Variants in PNPLA4 observed in about 807,000 individuals in gnomAD.
The protein encoded by PNPLA4 is patatin like domain 4, phospholipase and triacylglycerol lipase, also known as patatin-like phospholipase domain-containing protein 4.
Under a neutral mutation model 18.3 loss-of-function variants are expected in PNPLA4, and 15 were observed. That is an observed-to-expected ratio of 0.82 (90% CI 0.55 to 1.26). PNPLA4 has a LOEUF of 1.26. Ranked by LOEUF, PNPLA4 falls within the 50% of genes most tolerant of loss-of-function variation. The pLI, the probability that PNPLA4 is intolerant of heterozygous loss-of-function variation, is 0.00. For missense variants in PNPLA4, 229 were observed against 196.8 expected (o/e 1.16, Z -0.98); for synonymous variants, 88 against 85.6 (o/e 1.03, Z -0.16).
At chrX:7,912,292 T>C (rs1317314467) in intron 4 of PNPLA4, among the ~76,000 whole-genome samples, 199 bp from the exon 5 acceptor site, 2 of 112,512 alleles carry the variant, frequency 1.8e-5, no homozygotes, top group Non-Finnish European at 3.7e-5. Flanking sequence ...TGACATACTC[T>C]GAATCAATCA....
chrX:7,914,712 C>CAA (rs1287043102), intron 4 of PNPLA4, among the ~76,000 whole-genome samples: 1 of 110,067 alleles, frequency 9.1e-6, no homozygotes, highest in Non-Finnish European at 1.9e-5. Context: ...ATGTGGACTG[C>CAA]AAAAAAATCA....
intron 4 of PNPLA4, 140 bp from the exon 5 acceptor site, chrX:7,912,233 A>G (rs1301069101): frequency 1.3e-5 from 5 of 392,731 alleles, no homozygotes. Flanking sequence ...TAATTACATA[A>G]AAGATAACAC....
intron 5 of PNPLA4, among the ~76,000 whole-genome samples, chrX:7,902,363 G>A (rs1923567898): frequency 8.9e-6 from 1 of 111,964 alleles, no homozygotes; most frequent in Admixed American, 9.5e-5. Flanking sequence ...ATTATTGTCT[G>A]TAAGACTTGA....
chrX:7,898,394 T>C lies in PNPLA4; in HGVS notation c.*2292A>G, dbSNP rs1207228078. The C allele has an allele frequency of 8.9e-6, 1 of 111,884 alleles. No individual in the cohort carries two copies. Among genetic ancestry groups the C allele is most frequent in the Non-Finnish European group, 1.9e-5 (1 of 53,185 alleles). 9.2% of individuals were successfully genotyped at this position (111,884 alleles called of 1,213,427 possible). A position where few individuals can be genotyped will look rare whatever the true frequency, so the allele number is the denominator to read the frequency against. On this transcript the variant is annotated 3_prime_UTR_variant, in exon 7 of 7. Coordinates refer to ENST00000381042, the MANE Select transcript of PNPLA4 (RefSeq NM_004650.3). ...TCAGAAACTCCTTTCAGATTTTCTA[T>C]ATGCCAGTTCTACAATGCCTCAAAA... is the stretch of plus-strand genomic sequence containing the variant.
chrX:7,913,430 C>G (rs1176568865), intron 4 of PNPLA4, among the ~76,000 whole-genome samples: 1 of 112,373 alleles, frequency 8.9e-6, no homozygotes, highest in African/African-American at 3.2e-5. Flanking sequence ...TGCAAAGGCA[C>G]AGGCCTGGTT....
At chrX:7,915,674 C>T (rs1450783754) in intron 4 of PNPLA4, among the ~76,000 whole-genome samples, 1 of 111,984 alleles carries the variant, frequency 8.9e-6, no homozygotes, top group East Asian at 2.8e-4. Flanking sequence ...TTGCATTTTA[C>T]AGAAAAGAGG....
chrX:7,919,543 G>A (rs1392311195), intron 4 of PNPLA4, among the ~76,000 whole-genome samples: 10 of 112,503 alleles, frequency 8.9e-5, no homozygotes, highest in African/African-American at 2.9e-4. Context: ...CAGAAAAGGT[G>A]TCCACTTTTC....
chrX:7,905,889 G>GTT, intron 5 of PNPLA4, among the ~76,000 whole-genome samples: 1 of 112,391 alleles, frequency 8.9e-6, no homozygotes, highest in South Asian at 3.7e-4. Context: ...CTACAGCACA[G>GTT]TTGAGTAGGT....
intron 5 of PNPLA4, among the ~76,000 whole-genome samples, chrX:7,903,910 CAT>C (rs778189602): frequency 4.5e-5 from 5 of 110,437 alleles, no homozygotes; most frequent in Admixed American, 1.9e-4. Context: ...TGCATGTACA[CAT>C]GTGTTTGTGT....
chrX:7,914,589 A>T (rs1487460853), intron 4 of PNPLA4, among the ~76,000 whole-genome samples: 1 of 112,489 alleles, frequency 8.9e-6, no homozygotes, highest in African/African-American at 3.2e-5. Flanking sequence ...AGCAATAACT[A>T]GAGCAATTTG....
Position 7,921,902 on chromosome X carries a change from T to G in PNPLA4, c.276-54A>C. ...TCACCTTTAATTATTGAACTCCCTG[T>G]AAATATTTTACAAGAGAGAATGCTG... On this transcript the variant is annotated intron_variant, in intron 3 of 6. Coordinates refer to ENST00000381042, the MANE Select transcript of PNPLA4 (RefSeq NM_004650.3). 6 of 1,138,900 alleles carry G rather than the reference T, an allele frequency of 5.3e-6. No individual in the cohort carries two copies. In the South Asian group the frequency reaches 1.1e-4, roughly 21 times the overall value. The allele number at this position is 1,138,900 out of a possible 1,213,427, so 93.9% of individuals were successfully genotyped here. A position where few individuals can be genotyped will look rare whatever the true frequency, so the allele number is the denominator to read the frequency against.
chrX:7,907,177 C>T (rs1303363272), intron 5 of PNPLA4, among the ~76,000 whole-genome samples: 1 of 110,838 alleles, frequency 9.0e-6, no homozygotes, highest in Admixed American at 9.6e-5. Context: ...GCCACCATGC[C>T]CGGCTAATTT....
intron 4 of PNPLA4, among the ~76,000 whole-genome samples, chrX:7,918,918 G>C (rs1272356728): frequency 8.9e-6 from 1 of 111,930 alleles, no homozygotes; most frequent in Non-Finnish European, 1.9e-5. Flanking sequence ...AGTATTCCAG[G>C]CATAGGTTTC....
At chrX:7,902,222 GC>G (rs1283635867) in intron 5 of PNPLA4, 81 bp from the exon 6 acceptor site, 53 of 935,181 alleles carry the variant, frequency 5.7e-5, no homozygotes, top group Non-Finnish European at 7.8e-5. Context: ...TAATATGTGT[GC>G]CTTGGATATG....
chrX:7,911,881 T>C (rs1197943949), intron 5 of PNPLA4, 147 bp downstream of exon 5: 1 of 396,642 alleles, frequency 2.5e-6, no homozygotes, highest in Non-Finnish European at 4.4e-6. Flanking sequence ...CTGTATATTC[T>C]TTCCCTCTTA....
chrX:7,927,142 G>C (rs1181970144), intron 1 of PNPLA4, 144 bp downstream of exon 1: 1 of 113,383 alleles, frequency 8.8e-6, no homozygotes, highest in African/African-American at 3.2e-5. Context: ...GACGGGAAGG[G>C]GGTTGGGTGT....
At chrX:7,911,995 A>G in intron 5 of PNPLA4, 33 bp downstream of exon 5, 1 of 972,195 alleles carries the variant, frequency 1.0e-6, no homozygotes, top group Non-Finnish European at 1.5e-6. Context: ...TAATATAGGG[A>G]GGAGGGTAAT....
rs1197806339 is a variant in PNPLA4 at position 7,921,845 on chromosome X, A to G, written c.279T>C (p.Ser93=). ...TGGGAGGAAGAATCGACTCCATCCC[A>G]CTTCTAAAGAAGAAAAAGCAATCTG... ...PGYDFMARLR[S]GMESILPPSA... is the part of the protein sequence containing the mutation. Residue 93 remains serine, a synonymous_variant, in exon 4 of 7, where the codon AGT becomes AGC. Transcript: ENST00000381042. 1.7e-6 allele frequency: 2 copies of G among 1,206,420 alleles called. No homozygotes were observed. The highest frequency in any genetic ancestry group is 2.2e-6 in the Non-Finnish European group (2 of 891,689).
chrX:7,911,651 G>A (rs950573563), intron 5 of PNPLA4, among the ~76,000 whole-genome samples: 1 of 111,071 alleles, frequency 9.0e-6, no homozygotes, highest in Non-Finnish European at 1.9e-5. Flanking sequence ...AACCTATGCC[G>A]CATTGTCTGG....
Sources: gnomAD v4.1 joint callset for allele counts (sites outside exome capture counted in the v4.1 genomes callset) on GRCh38, gnomAD v4.1.1 for gene constraint, MANE v1.5 for transcripts, NCBI Gene and HGNC (gene_info 2026-07-23, HGNC 2026-07-21) for gene names.